Variants in USP2 observed in about 807,000 individuals in gnomAD.
USP2 encodes the protein ubiquitin specific peptidase 2, also known as ubiquitin carboxyl-terminal hydrolase 2.
In USP2, 33 loss-of-function variants were observed where a neutral mutation model predicts 72.0. That is an observed-to-expected ratio of 0.46 (90% CI 0.35 to 0.61). The LOEUF (loss-of-function observed/expected upper bound fraction) is 0.61. USP2 is among the 20% of genes least tolerant of loss of function. The pLI is 0.01. For missense variants in USP2, 691 were observed against 797.8 expected, an observed-to-expected ratio of 0.87 and a Z score of 1.61; for synonymous variants, 296 against 312.5, an observed-to-expected ratio of 0.95 and a Z score of 0.56.
chr11:119,380,006 C>T (rs1951042555), intron 1 of USP2, among the ~76,000 whole-genome samples: 1 of 148,192 alleles, frequency 6.7e-6, no homozygotes, highest in African/African-American at 2.5e-5. Context: ...GCTCCGCATC[C>T]TGGGTTCACG....
rs755051368 is a variant in USP2, at chr11:119,359,526, G to A, written c.949+11C>T. 6.4e-5 allele frequency: 103 copies of A among 1,613,480 alleles called. No individual in the cohort carries two copies. The highest frequency in any genetic ancestry group is 1.7e-4 in the Middle Eastern group (1 of 5,980). On this transcript the variant is annotated intron_variant, in intron 4 of 12. Transcript: ENST00000260187. Reference sequence around the variant, plus strand: ...GGGGTAGGCAGGGGCACATGACAGAGGGCCTCTCACCTTCCACGAGGGCTG... The same window carrying A: ...GGGGTAGGCAGGGGCACATGACAGAAGGCCTCTCACCTTCCACGAGGGCTG...
chr11:119,378,856 G>C (rs1197035055), intron 1 of USP2, among the ~76,000 whole-genome samples: 1 of 152,180 alleles, frequency 6.6e-6, no homozygotes, highest in African/African-American at 2.4e-5. Context: ...TCTTTCCTCT[G>C]TTCTCAGCCT....
intron 2 of USP2, 76 bp downstream of exon 2, chr11:119,372,631 T>A: frequency 7.1e-7 from 1 of 1,399,906 alleles, no homozygotes; most frequent in Non-Finnish European, 9.5e-7. Context: ...AGGTTGGGAG[T>A]CGAGCCCTCA....
At position 119,381,685 on chromosome 11, in the gene USP2, G is replaced by T. The variant is rs1951060850; in HGVS notation, c.-254C>A. 1.2e-6 allele frequency: 1 copy of T among 828,746 alleles called. No homozygotes were observed. The highest frequency in any genetic ancestry group is 2.0e-6 in the Non-Finnish European group (1 of 509,472). The allele number at this position is 828,746 out of a possible 1,614,324, so 51.3% of individuals were successfully genotyped here. ...CCACCCAGCGGGCAGCCGCCTCATC[G>T]CGCCTGGGCCGGCAGAGCCACACCC... On this transcript the variant is annotated 5_prime_UTR_variant, in exon 1 of 13. Coordinates refer to ENST00000260187, the MANE Select transcript of USP2 (RefSeq NM_004205.5).
intron 1 of USP2, among the ~76,000 whole-genome samples, chr11:119,374,958 G>A (rs763718047): frequency 1.2e-4 from 18 of 152,168 alleles, no homozygotes; most frequent in South Asian, 8.3e-4. Context: ...ATAACAACAC[G>A]TGAAGGGCTC....
intron 1 of USP2, among the ~76,000 whole-genome samples, chr11:119,373,958 C>T (rs914469761): frequency 1.3e-5 from 2 of 152,166 alleles, no homozygotes; most frequent in African/African-American, 4.8e-5. Flanking sequence ...CACATCTGTC[C>T]CTTCTGACTT....
chr11:119,360,730 G>A (rs1417908819), intron 2 of USP2, among the ~76,000 whole-genome samples: 1 of 152,098 alleles, frequency 6.6e-6, no homozygotes, highest in East Asian at 1.9e-4. Context: ...CTGCCTAAAT[G>A]CCTGTTATTT....
intron 2 of USP2, among the ~76,000 whole-genome samples, chr11:119,364,606 A>G (rs1034150041): frequency 2.0e-5 from 3 of 152,182 alleles, no homozygotes; most frequent in Admixed American, 6.5e-5. Context: ...ACGTGATGAA[A>G]GCTCTTCTCT....
At chr11:119,374,031 A>G (rs1950969567) in intron 1 of USP2, among the ~76,000 whole-genome samples, 1 of 151,472 alleles carries the variant, frequency 6.6e-6, no homozygotes, top group African/African-American at 2.4e-5. Context: ...CCTGAAGATC[A>G]TTTGGTCAGA....
chr11:119,376,195 C>T (rs1003680320), intron 1 of USP2: 2 of 985,596 alleles, frequency 2.0e-6, no homozygotes, highest in Non-Finnish European at 2.4e-6. Flanking sequence ...GGTGAAAGCA[C>T]AGCCTGGGTT....
chr11:119,369,904 C>T (rs1469038946), intron 2 of USP2, among the ~76,000 whole-genome samples: 2 of 152,104 alleles, frequency 1.3e-5, no homozygotes, highest in Non-Finnish European at 2.9e-5. Context: ...CTTGGCCAGG[C>T]GTGGTGGCTC....
At chr11:119,376,797 G>A (rs1005685738) in intron 1 of USP2, among the ~76,000 whole-genome samples, 2 of 152,254 alleles carry the variant, frequency 1.3e-5, no homozygotes, top group East Asian at 1.9e-4. Context: ...TACTTCACAT[G>A]CAGCTTCTGA....
chr11:119,358,030 C>T lies in USP2; in HGVS notation c.1373G>A (p.Cys458Tyr). The T allele has an allele frequency of 6.2e-7, 1 of 1,614,200 alleles. No individual in the cohort carries two copies. Among genetic ancestry groups the T allele is most frequent in the Non-Finnish European group, 8.5e-7 (1 of 1,180,038 alleles). Reference sequence around the variant, plus strand: ...ATCCTCTTTGGTGAAGAGCCTCATGCAGTCCATTAATGTCACCTCAGGATA... The same window carrying T: ...ATCCTCTTTGGTGAAGAGCCTCATGTAGTCCATTAATGTCACCTCAGGATA... ...RGYPEVTLMDCMRLFTKEDVL... is the reference protein window; with the variant it reads ...RGYPEVTLMDYMRLFTKEDVL... The change falls in exon 9 of 13, where the codon TGC (cysteine) becomes TAC (tyrosine). Residue 458 changes from cysteine (C) to tyrosine (Y), a missense_variant. Transcript: ENST00000260187.
chr11:119,375,256 C>G (rs549208796), intron 1 of USP2, among the ~76,000 whole-genome samples: 12 of 152,346 alleles, frequency 7.9e-5, no homozygotes, highest in South Asian at 2.1e-4. Context: ...CTCTAGAATC[C>G]CAGTCCACAC....
chr11:119,374,945 G>A (rs1366995089), intron 1 of USP2, among the ~76,000 whole-genome samples: 1 of 152,176 alleles, frequency 6.6e-6, no homozygotes, highest in Non-Finnish European at 1.5e-5. Flanking sequence ...AGGAATAAAT[G>A]AGATAACAAC....
chr11:119,360,181 C>G lies in USP2; in HGVS notation c.825+3G>C. On this transcript the variant is annotated splice_donor_region_variant and intron_variant, in intron 3 of 12. Transcript: ENST00000260187. Reference sequence around the variant, plus strand: ...GGGAAGAAGCAGGCCAGGAAAAACTCACCGTGTTCCCAAGGTTTCGAAGAC... The same window carrying G: ...GGGAAGAAGCAGGCCAGGAAAAACTGACCGTGTTCCCAAGGTTTCGAAGAC... The G allele has an allele frequency of 6.2e-7, 1 of 1,613,468 alleles. No homozygotes were observed. Among genetic ancestry groups the G allele is most frequent in the Non-Finnish European group, 8.5e-7 (1 of 1,179,864 alleles).
chr11:119,374,720 G>A (rs1950977904), intron 1 of USP2, among the ~76,000 whole-genome samples: 1 of 152,150 alleles, frequency 6.6e-6, no homozygotes, highest in African/African-American at 2.4e-5. Context: ...AGTAGGGTCA[G>A]ACGCCTTTCC....
intron 2 of USP2, chr11:119,364,040 A>AGCGGGGGC: frequency 9.1e-7 from 1 of 1,098,450 alleles, no homozygotes; most frequent in South Asian, 3.9e-5. Context: ...TAACGTTGGC[A>AGCGGGGGC]GCGGGGGCGC....
intron 2 of USP2, among the ~76,000 whole-genome samples, chr11:119,370,258 C>A (rs1950909435): frequency 1.3e-5 from 2 of 152,230 alleles, no homozygotes; most frequent in Admixed American, 1.3e-4. Flanking sequence ...TCGCACACAT[C>A]TCTTGCCTGC....
Sources: gnomAD v4.1 joint callset for allele counts (sites outside exome capture counted in the v4.1 genomes callset) on GRCh38, gnomAD v4.1.1 for gene constraint, MANE v1.5 for transcripts, NCBI Gene and HGNC (gene_info 2026-07-23, HGNC 2026-07-21) for gene names.